Variants in DIAPH3 observed in about 807,000 individuals in gnomAD.
DIAPH3 encodes the protein diaphanous related formin 3.
Under a neutral mutation model 144.3 loss-of-function variants are expected in DIAPH3, and 117 were observed. The observed-to-expected ratio is 0.81, with a 90% confidence interval of 0.70 to 0.95. DIAPH3 has a LOEUF of 0.95. DIAPH3 is among the 40% of genes least tolerant of loss of function. The pLI, the probability that DIAPH3 is intolerant of heterozygous loss-of-function variation, is 0.00. For synonymous variants in DIAPH3, 519 were observed against 488.9 expected, an observed-to-expected ratio of 1.06 and a Z score of -0.81; for missense variants, 1,421 against 1,412.7, an observed-to-expected ratio of 1.01 and a Z score of -0.09.
At chr13:59,946,934 C>T (rs898854744) in intron 17 of DIAPH3, among the ~76,000 whole-genome samples, 14 of 152,228 alleles carry the variant, frequency 9.2e-5, no homozygotes, top group African/African-American at 3.4e-4. Context: ...GTCTATTATT[C>T]AGCTGAAACA....
At chr13:59,964,122 A>C (rs927387658) in intron 17 of DIAPH3, among the ~76,000 whole-genome samples, 3 of 152,138 alleles carry the variant, frequency 2.0e-5, no homozygotes, top group African/African-American at 7.2e-5. Context: ...AAGGTGTGAG[A>C]TAACAACAAT....
chr13:59,726,743 T>C lies in DIAPH3; in HGVS notation c.3319+47446A>G, dbSNP rs141620492. 5.0e-3 allele frequency among the ~76,000 whole-genome samples: 761 copies of C among 152,312 alleles called. 3 individuals are homozygous for C. Among genetic ancestry groups the C allele is most frequent in the South Asian group, 0.032 (153 of 4,822 alleles). On this transcript the variant is annotated intron_variant, in intron 27 of 27. Coordinates refer to ENST00000400324, the MANE Select transcript of DIAPH3 (RefSeq NM_001042517.2). ...TCTCAACATTTTAGTTTTCAACTGA[T>C]GGTTTAACTGTCCTAACTAGACATT...
intron 27 of DIAPH3, among the ~76,000 whole-genome samples, chr13:59,735,162 T>C (rs1593704417): frequency 6.6e-6 from 1 of 152,120 alleles, no homozygotes; most frequent in South Asian, 2.1e-4. Context: ...ATAAAAACAA[T>C]GCAATATTAT....
chr13:59,991,953 A>T, intron 11 of DIAPH3, 115 bp downstream of exon 11: 1 of 819,682 alleles, frequency 1.2e-6, no homozygotes, highest in Non-Finnish European at 2.1e-6. Flanking sequence ...CTGATGCATG[A>T]AGGTTTGATT....
chr13:60,065,375 T>C (rs2056919311), intron 4 of DIAPH3, among the ~76,000 whole-genome samples: 1 of 152,100 alleles, frequency 6.6e-6, no homozygotes, highest in African/African-American at 2.4e-5. Flanking sequence ...ACTATTATAA[T>C]TTCTTCTGTT....
At chr13:59,959,929 T>C (rs537951164) in intron 17 of DIAPH3, among the ~76,000 whole-genome samples, 16 of 152,222 alleles carry the variant, frequency 1.1e-4, no homozygotes, top group East Asian at 9.7e-4. Context: ...CTAGGAAAAA[T>C]AGATGAGAAG....
At chr13:60,061,931 T>C (rs1248473312) in intron 4 of DIAPH3, among the ~76,000 whole-genome samples, 2 of 152,092 alleles carry the variant, frequency 1.3e-5, no homozygotes, top group East Asian at 3.8e-4. Context: ...CAAACATCTT[T>C]ACTGCCTACA....
intron 20 of DIAPH3, among the ~76,000 whole-genome samples, chr13:59,893,781 G>A (rs114028975): frequency 1.9e-3 from 289 of 152,070 alleles, no homozygotes; most frequent in African/African-American, 6.4e-3. Flanking sequence ...CAATAACTCT[G>A]CCCACATACT....
At chr13:60,040,135 G>A (rs2055535694) in intron 5 of DIAPH3, among the ~76,000 whole-genome samples, 1 of 142,410 alleles carries the variant, frequency 7.0e-6, no homozygotes, top group Admixed American at 7.8e-5. Context: ...GCTGAGGCAG[G>A]AGAATCGCTT....
intron 5 of DIAPH3, among the ~76,000 whole-genome samples, chr13:60,023,784 T>A (rs914595540): frequency 1.3e-5 from 2 of 151,452 alleles, no homozygotes; most frequent in African/African-American, 2.4e-5. Flanking sequence ...TTTCTTTGAG[T>A]TTATCCTGTT....
intron 20 of DIAPH3, among the ~76,000 whole-genome samples, chr13:59,888,690 T>G (rs368613182): frequency 6.6e-6 from 1 of 152,074 alleles, no homozygotes; most frequent in African/African-American, 2.4e-5. Flanking sequence ...CTTCATTACT[T>G]TTTGTAGATC....
At chr13:59,684,761 T>C (rs995277775) in intron 27 of DIAPH3, among the ~76,000 whole-genome samples, 1 of 152,182 alleles carries the variant, frequency 6.6e-6, no homozygotes, top group Admixed American at 6.5e-5. Context: ...GATCAACATA[T>C]GTCTTTCAAG....
chr13:59,888,815 TCATGTCACC>T (rs2045609558), intron 20 of DIAPH3, among the ~76,000 whole-genome samples: 1 of 152,088 alleles, frequency 6.6e-6, no homozygotes, highest in South Asian at 2.1e-4. Context: ...AAAAATGTCT[TCATGTCACC>T]TTATTTTTTT....
intron 4 of DIAPH3, among the ~76,000 whole-genome samples, chr13:60,057,015 C>T (rs1009782829): frequency 3.3e-5 from 5 of 151,854 alleles, no homozygotes; most frequent in Non-Finnish European, 7.4e-5. Context: ...AGGATGCTCA[C>T]TTTCACCACT....
At chr13:59,974,116 A>G (rs1298036101) in intron 15 of DIAPH3, among the ~76,000 whole-genome samples, 1 of 152,152 alleles carries the variant, frequency 6.6e-6, no homozygotes, top group Non-Finnish European at 1.5e-5. Context: ...GAAACATGTG[A>G]CATTAGGAAC....
At position 60,112,179 on chromosome 13, in the gene DIAPH3, T is replaced by C; in HGVS notation, c.221A>G (p.Lys74Arg). 3.1e-6 allele frequency: 5 copies of C among 1,613,898 alleles called. No homozygotes were observed. The highest frequency in any genetic ancestry group is 3.4e-6 in the Non-Finnish European group (4 of 1,179,988). Residue 74 changes from lysine (K) to arginine (R), a missense_variant, in exon 3 of 28, where the codon AAA becomes AGA. Lys to Arg is a conservative substitution (Grantham distance 26). Coordinates refer to ENST00000400324, the MANE Select transcript of DIAPH3 (RefSeq NM_001042517.2). Reference sequence around the variant, plus strand: ...CCCTGGAATTCTTATGCTGGCAAATTTGTCCAGCTACAAAGAAAGACAGAA... The same window carrying C: ...CCCTGGAATTCTTATGCTGGCAAATCTGTCCAGCTACAAAGAAAGACAGAA... ...IRTLTDDMLD[K>R]FASIRIPGSK...
At chr13:59,900,187 TGA>T (rs2069155124) in intron 20 of DIAPH3, among the ~76,000 whole-genome samples, 1 of 152,178 alleles carries the variant, frequency 6.6e-6, no homozygotes, top group African/African-American at 2.4e-5. Flanking sequence ...CTTGATTAAA[TGA>T]GAGTTATTTT....
intron 2 of DIAPH3, among the ~76,000 whole-genome samples, chr13:60,118,604 G>A (rs1312913078): frequency 6.6e-6 from 1 of 152,124 alleles, no homozygotes. Flanking sequence ...CGCTTAAGAG[G>A]GGGTAAAAAC....
chr13:60,027,926 A>C (rs1408714084), intron 5 of DIAPH3, among the ~76,000 whole-genome samples: 1 of 152,110 alleles, frequency 6.6e-6, no homozygotes, highest in Non-Finnish European at 1.5e-5. Context: ...CACCCTAAAT[A>C]CTTGTCACTA....
Sources: allele counts gnomAD v4.1 joint callset (sites outside exome capture counted in the v4.1 genomes callset), GRCh38; gene constraint gnomAD v4.1.1; transcripts MANE v1.5; gene names NCBI Gene and HGNC (gene_info 2026-07-23, HGNC 2026-07-21).